TNKS: variants seen among roughly 807,000 people sequenced by gnomAD.
The protein encoded by TNKS is poly [ADP-ribose] polymerase tankyrase-1.
Under a neutral mutation model 135.8 loss-of-function variants are expected in TNKS, and 72 were observed. That is an observed-to-expected ratio of 0.53 (90% CI 0.44 to 0.64). TNKS has a LOEUF of 0.64. TNKS is among the 30% of genes least tolerant of loss of function. TNKS has a pLI of 0.00. For missense variants in TNKS, 1,769 were observed against 1,674.0 expected, an observed-to-expected ratio of 1.06 and a Z score of -0.99; for synonymous variants, 849 against 649.3, an observed-to-expected ratio of 1.31 and a Z score of -4.68.
chr8:9,579,293 C>T (rs1170704064), intron 1 of TNKS, among the ~76,000 whole-genome samples: 1 of 152,120 alleles, frequency 6.6e-6, no homozygotes, highest in African/African-American at 2.4e-5. Flanking sequence ...TGGCCACTAG[C>T]CCCAAGAATA....
At chr8:9,662,277 T>C (rs1354364491) in intron 3 of TNKS, among the ~76,000 whole-genome samples, 1 of 152,198 alleles carries the variant, frequency 6.6e-6, no homozygotes, top group East Asian at 1.9e-4. Context: ...ATCATGCTGC[T>C]ATAAAGACAC....
chr8:9,672,864 C>A (rs1403128380), intron 3 of TNKS, among the ~76,000 whole-genome samples: 5 of 152,102 alleles, frequency 3.3e-5, no homozygotes, highest in Non-Finnish European at 7.4e-5. Flanking sequence ...TTCCCTCCCT[C>A]CTTCCGTCTT....
At chr8:9,711,154 C>T (rs759810503) in intron 11 of TNKS, among the ~76,000 whole-genome samples, 20 of 152,180 alleles carry the variant, frequency 1.3e-4, no homozygotes, top group Admixed American at 1.3e-4. Flanking sequence ...ATGGAGCATA[C>T]AAGATGCCCT....
chr8:9,617,441 T>A (rs909767544), intron 3 of TNKS, among the ~76,000 whole-genome samples: 1 of 152,234 alleles, frequency 6.6e-6, no homozygotes, highest in African/African-American at 2.4e-5. Context: ...GAATATCTAC[T>A]TTTTTGGAAA....
intron 5 of TNKS, among the ~76,000 whole-genome samples, chr8:9,695,583 C>G (rs972887875): frequency 6.6e-6 from 1 of 152,048 alleles, no homozygotes; most frequent in African/African-American, 2.4e-5. Context: ...ATTTTGAGCA[C>G]AAGATTTGTA....
chr8:9,566,049 T>C (rs1381223159), intron 1 of TNKS, among the ~76,000 whole-genome samples: 1 of 152,100 alleles, frequency 6.6e-6, no homozygotes, highest in Non-Finnish European at 1.5e-5. Context: ...CTGATAATAC[T>C]CATCAACCGT....
At chr8:9,570,920 G>C (rs1038714682) in intron 1 of TNKS, among the ~76,000 whole-genome samples, 1 of 152,114 alleles carries the variant, frequency 6.6e-6, no homozygotes, top group Non-Finnish European at 1.5e-5. Context: ...AGTGAGCTCT[G>C]ATCATGCCAC....
Position 9,556,467 on chromosome 8 carries a change from C to A in TNKS, c.528C>A (p.Val176=), listed in dbSNP as rs574559345. 1 of 1,614,134 alleles carries A rather than the reference C, an allele frequency of 6.2e-7. No homozygotes were observed. The highest frequency in any genetic ancestry group is 1.7e-5 in the Admixed American group (1 of 60,022). ...GGGCAGCAGGACCTGGGACAGGGGT[C>A]CCAGCAGTGAGCGGGGCCCTACGGG... ...GPGAAGPGTG[V]PAVSGALREL... Residue 176 remains valine, a synonymous_variant, in exon 1 of 27, where the codon GTC becomes GTA. Coordinates refer to ENST00000310430, the MANE Select transcript of TNKS (RefSeq NM_003747.3).
intron 3 of TNKS, among the ~76,000 whole-genome samples, chr8:9,672,699 C>A (rs1481406225): frequency 8.5e-6 from 1 of 117,076 alleles, no homozygotes; most frequent in Admixed American, 9.1e-5. Context: ...CACACACACA[C>A]ACACACACAC....
intron 5 of TNKS, among the ~76,000 whole-genome samples, chr8:9,698,389 A>AAAAAAAAAAAAAAAAAAAAAAAAAAAAC (rs1803627702): frequency 6.6e-6 from 1 of 151,482 alleles, no homozygotes; most frequent in East Asian, 1.9e-4. Context: ...AAAAAAAAAA[A>AAAAAAAAAAAAAAAAAAAAAAAAAAAAC]AAGCTTAAGT....
At position 9,781,213 on chromosome 8, in the gene TNKS, G is replaced by T. The variant is rs1316122392; in HGVS notation, c.*4477G>T. The T allele has an allele frequency of 6.6e-6, 1 of 152,036 alleles. No homozygotes were observed. The highest frequency in any genetic ancestry group is 2.4e-5 in the African/African-American group (1 of 41,362). The allele number at this position is 152,036 out of a possible 1,614,324, so 9.4% of individuals were successfully genotyped here. A position where few individuals can be genotyped will look rare whatever the true frequency, so the allele number is the denominator to read the frequency against. ...CATTCTTTTTTGCTTTACACTTCACGTCTTCGCACCTGCCCTACCTCCCAT... is the reference window on the plus strand; with the variant it reads ...CATTCTTTTTTGCTTTACACTTCACTTCTTCGCACCTGCCCTACCTCCCAT... On this transcript the variant is annotated 3_prime_UTR_variant, in exon 27 of 27. Transcript: ENST00000310430.
At chr8:9,609,989 C>G (rs1799388119) in intron 2 of TNKS, among the ~76,000 whole-genome samples, 1 of 152,116 alleles carries the variant, frequency 6.6e-6, no homozygotes, top group Non-Finnish European at 1.5e-5. Context: ...TCCCGAGTAG[C>G]TGGGACTACA....
intron 3 of TNKS, among the ~76,000 whole-genome samples, chr8:9,637,949 ACT>A (rs1213515054): frequency 2.0e-5 from 3 of 151,130 alleles, no homozygotes; most frequent in Non-Finnish European, 4.4e-5. Flanking sequence ...GAATATTTGA[ACT>A]CTTTTTATTA....
intron 15 of TNKS, 57 bp from the exon 16 acceptor site, chr8:9,734,808 C>A: frequency 2.1e-6 from 3 of 1,432,928 alleles, no homozygotes; most frequent in Non-Finnish European, 2.9e-6. Context: ...ACCTACCTAC[C>A]TACCTACCTA....
chr8:9,653,964 C>G (rs956016785), intron 3 of TNKS, among the ~76,000 whole-genome samples: 1 of 152,146 alleles, frequency 6.6e-6, no homozygotes, highest in African/African-American at 2.4e-5. Context: ...GTTTTTGTTT[C>G]CTTAGGCTCT....
At chr8:9,707,090 T>C (rs12542457) in intron 8 of TNKS, 93 bp downstream of exon 8, 670,391 of 1,099,970 alleles carry the variant, frequency 0.61, 206,810 homozygotes, top group Middle Eastern at 0.69. Flanking sequence ...CCTTCCATTC[T>C]TACAAGCAGA....
chr8:9,617,203 T>C (rs1294079141), intron 3 of TNKS, among the ~76,000 whole-genome samples: 1 of 152,248 alleles, frequency 6.6e-6, no homozygotes, highest in African/African-American at 2.4e-5. Context: ...GGGGAGATTA[T>C]ATTGGATGTT....
intron 5 of TNKS, among the ~76,000 whole-genome samples, chr8:9,703,024 A>G (rs558523550): frequency 3.3e-5 from 5 of 152,324 alleles, no homozygotes; most frequent in African/African-American, 1.2e-4. Context: ...CAAAAAACAA[A>G]CAAACAAAAA....
chr8:9,653,321 G>T (rs61424526), intron 3 of TNKS, among the ~76,000 whole-genome samples: 1 of 152,122 alleles, frequency 6.6e-6, no homozygotes, highest in East Asian at 1.9e-4. Flanking sequence ...TCATGCATCT[G>T]ACTGTCTCTG....
Sources: allele counts gnomAD v4.1 joint callset (sites outside exome capture counted in the v4.1 genomes callset), GRCh38; gene constraint gnomAD v4.1.1; transcripts MANE v1.5; gene names NCBI Gene and HGNC (gene_info 2026-07-23, HGNC 2026-07-21).